Variants in BET1 observed in about 807,000 individuals in gnomAD.
BET1 encodes BET1 homolog.
A neutral mutation model predicts 13.9 loss-of-function variants in BET1; 9 were observed. That is an observed-to-expected ratio of 0.65 (90% CI 0.39 to 1.13). The LOEUF is 1.13. BET1 is among the 50% of genes most tolerant of loss of function. BET1 has a pLI of 0.01. For synonymous variants in BET1, 39 were observed against 47.3 expected, an observed-to-expected ratio of 0.82 and a Z score of 0.72; for missense variants, 127 against 133.6, an observed-to-expected ratio of 0.95 and a Z score of 0.24.
downstream of BET1, chr7:93,991,736 T>A: frequency 2.2e-6 from 2 of 913,258 alleles, no homozygotes; most frequent in Non-Finnish European, 2.6e-6. Flanking sequence ...GCAGTGTAAC[T>A]TCATAGCCTT....
chr7:93,997,063 T>C lies in BET1; in HGVS notation c.145-742A>G, dbSNP rs142816376. Among the ~76,000 whole-genome samples, 463 of 152,218 alleles carry C rather than the reference T, an allele frequency of 3.0e-3. 8 individuals are homozygous for C. Among genetic ancestry groups the C allele is most frequent in the African/African-American group, 0.01 (436 of 41,586 alleles). On this transcript the variant is annotated intron_variant, in intron 2 of 3. Coordinates refer to ENST00000222547, the MANE Select transcript of BET1 (RefSeq NM_005868.6). ...CCTGAAGCTCTGAAGAAAAGAGCCA[T>C]AGCTTACAAAATACAATACTATAGC...
chr7:93,970,757 G>A (rs1430834024), intron 6 of BET1, among the ~76,000 whole-genome samples: 1 of 151,670 alleles, frequency 6.6e-6, no homozygotes, highest in Admixed American at 6.6e-5. Flanking sequence ...ATATTACATA[G>A]AATCTGGTTT....
chr7:93,974,463 G>A (rs1365697045), intron 5 of BET1, among the ~76,000 whole-genome samples: 1 of 151,942 alleles, frequency 6.6e-6, no homozygotes, highest in East Asian at 1.9e-4. Context: ...CAGGAAGTAC[G>A]ACAGTGCTCA....
At chr7:93,987,896 C>T (rs996634668) in intron 4 of BET1, among the ~76,000 whole-genome samples, 3 of 152,104 alleles carry the variant, frequency 2.0e-5, no homozygotes, top group Non-Finnish European at 4.4e-5. Context: ...CTTCCCTCAG[C>T]TTTAAAGTAG....
chr7:93,992,041 A>G, downstream of BET1: 1 of 985,348 alleles, frequency 1.0e-6, no homozygotes, highest in Non-Finnish European at 1.2e-6. Flanking sequence ...TTTTAGATGG[A>G]AAAAGAGGGT....
At chr7:94,003,395 C>G (rs185218839) in intron 1 of BET1, among the ~76,000 whole-genome samples, 33 of 150,420 alleles carry the variant, frequency 2.2e-4, no homozygotes, top group Admixed American at 1.5e-3. Flanking sequence ...AAGGTAATAT[C>G]TTTTTTCAAA....
intron 4 of BET1, among the ~76,000 whole-genome samples, chr7:93,984,082 T>C (rs1337036164): frequency 6.6e-6 from 1 of 152,188 alleles, no homozygotes; most frequent in Non-Finnish European, 1.5e-5. Context: ...CCATGCTCTT[T>C]CTGAGAGCTC....
chr7:93,986,551 G>T (rs538370482), intron 4 of BET1, among the ~76,000 whole-genome samples: 6 of 152,278 alleles, frequency 3.9e-5, no homozygotes, highest in African/African-American at 1.4e-4. Flanking sequence ...GATATGCCCC[G>T]CCTGTCACTT....
downstream of BET1, among the ~76,000 whole-genome samples, chr7:93,991,364 A>C (rs989599167): frequency 1.3e-5 from 2 of 152,206 alleles, no homozygotes; most frequent in Non-Finnish European, 2.9e-5. Flanking sequence ...AATTTAAGTA[A>C]GAGATTCTCA....
At chr7:93,976,285 C>T (rs1196965023) in intron 4 of BET1, among the ~76,000 whole-genome samples, 4 of 152,064 alleles carry the variant, frequency 2.6e-5, no homozygotes, top group Admixed American at 2.0e-4. Flanking sequence ...CTGCTTCCCT[C>T]CAACCCCTTC....
Position 94,000,398 on chromosome 7 carries a change from C to CT in BET1, c.20-1105dup, listed in dbSNP as rs966504118. On this transcript the variant is annotated intron_variant, in intron 1 of 3. Transcript: ENST00000222547. ...AAAGTGCTGGGATTACAGGCGTGAA[C>CT]TTTTTTTTAACATAATTGTTGCCAT... 8.2e-4 allele frequency: 125 copies of CT among 151,842 alleles called. No homozygotes were observed. In the Middle Eastern group the frequency reaches 0.017, roughly 21 times the overall value. The allele number at this position is 151,842 out of a possible 1,614,324, so 9.4% of individuals were successfully genotyped here. A position where few individuals can be genotyped will look rare whatever the true frequency, so the allele number is the denominator to read the frequency against.
intron 1 of BET1, among the ~76,000 whole-genome samples, chr7:94,002,097 C>T (rs1795918451): frequency 6.6e-6 from 1 of 152,042 alleles, no homozygotes; most frequent in Admixed American, 6.5e-5. Context: ...CAAACAAAGC[C>T]ACTTCTCTTC....
chr7:93,999,715 G>A (rs752904038), intron 1 of BET1: 1 of 456,652 alleles, frequency 2.2e-6, no homozygotes, highest in South Asian at 1.5e-5. Context: ...CAGAAGGACG[G>A]GAGCTCATAG....
In BET1 at chr7:93,996,692, TTTTA is replaced by T. The variant is rs548876821; in HGVS notation, c.145-375_145-372del. On this transcript the variant is annotated intron_variant, in intron 2 of 3. Transcript: ENST00000222547. Reference sequence around the variant, plus strand: ...AATATCTGTATATTTCCTTCTTACATTTTATTTATTATATTTTATAAATTATATA... The same window carrying T: ...AATATCTGTATATTTCCTTCTTACATTTTATTATATTTTATAAATTATATA... 3.2e-3 allele frequency among the ~76,000 whole-genome samples: 478 copies of T among 149,702 alleles called. 8 individuals are homozygous for T. Among genetic ancestry groups the T allele is most frequent in the African/African-American group, 0.011 (448 of 41,212 alleles).
At chr7:93,997,294 T>C (rs1353923797) in intron 2 of BET1, among the ~76,000 whole-genome samples, 1 of 152,192 alleles carries the variant, frequency 6.6e-6, no homozygotes, top group Non-Finnish European at 1.5e-5. Flanking sequence ...GATCAGAACA[T>C]GAGCTTTCCT....
rs577023181 is a variant in BET1, at chr7:94,004,319, A to G, written c.-103T>C. On this transcript the variant is annotated 5_prime_UTR_variant, in exon 1 of 4. Transcript: ENST00000222547. The stretch of plus-strand genomic sequence containing the variant: ...GTCTTCAGTACCAGGGCCCAGCGAA[A>G]CACCAACTTCTTCCCCTAAAGCGCC... The G allele has an allele frequency of 1.0e-4, 151 of 1,495,732 alleles. 4 individuals carry two copies. In the South Asian group the frequency reaches 1.7e-3, roughly 16 times the overall value. 92.7% of individuals were successfully genotyped at this position (1,495,732 alleles called of 1,614,324 possible).
At chr7:93,964,568 A>C (rs766788021) in exon 7 of BET1, 3 of 152,082 alleles carry the variant, frequency 2.0e-5, no homozygotes, top group Admixed American at 6.6e-5. Context: ...TAGCACTGCG[A>C]TGAACATATG....
At chr7:93,981,946 G>A (rs1795436980) in intron 4 of BET1, among the ~76,000 whole-genome samples, 1 of 152,138 alleles carries the variant, frequency 6.6e-6, no homozygotes, top group Admixed American at 6.6e-5. Context: ...GGAGGATTGT[G>A]GGGAGAGTGG....
chr7:93,982,119 A>C (rs1795439513), intron 4 of BET1, among the ~76,000 whole-genome samples: 1 of 152,150 alleles, frequency 6.6e-6, no homozygotes, highest in South Asian at 2.1e-4. Flanking sequence ...TAATCTGCTA[A>C]AGGCAGGATT....
Sources: allele counts gnomAD v4.1 joint callset (sites outside exome capture counted in the v4.1 genomes callset), GRCh38; gene constraint gnomAD v4.1.1; transcripts MANE v1.5; gene names NCBI Gene and HGNC (gene_info 2026-07-23, HGNC 2026-07-21).